NR1H2: variants seen among roughly 807,000 people sequenced by gnomAD.
NR1H2 encodes oxysterols receptor LXR-beta.
NR1H2 carries 33 observed loss-of-function variants against 51.2 expected under a neutral mutation model. That is an observed-to-expected ratio of 0.64 (90% CI 0.49 to 0.86). The LOEUF is 0.86. Among genes scored for constraint, NR1H2 ranks in the 40% least tolerant of loss-of-function variants. NR1H2 has a pLI of 0.00. For missense variants in NR1H2, 592 were observed against 639.9 expected (o/e 0.93, Z 0.81); for synonymous variants, 310 against 264.3 (o/e 1.17, Z -1.68).
rs1197229324 is a variant in NR1H2, at chr19:50,382,774, C to T, written c.*172C>T. Reference sequence around the variant, plus strand: ...AGGTCCAGGAGGCTCCCTCCCTGCCCAGCGAGTCTTCCAGAAGGGGTGAAA... The same window carrying T: ...AGGTCCAGGAGGCTCCCTCCCTGCCTAGCGAGTCTTCCAGAAGGGGTGAAA... On this transcript the variant is annotated 3_prime_UTR_variant, in exon 10 of 10. Coordinates refer to ENST00000253727, the MANE Select transcript of NR1H2 (RefSeq NM_007121.7). 6.8e-5 allele frequency: 43 copies of T among 635,676 alleles called. No individual in the cohort carries two copies. The highest frequency in any genetic ancestry group is 1.1e-4 in the Non-Finnish European group (43 of 396,976). 39.4% of individuals were successfully genotyped at this position (635,676 alleles called of 1,614,324 possible). A position where few individuals can be genotyped will look rare whatever the true frequency, so the allele number is the denominator to read the frequency against.
At chr19:50,377,344 GGGGGCGGGGCCTACAGCA>G (rs1157417607) in intron 2 of NR1H2, 1 of 455,280 alleles carries the variant, frequency 2.2e-6, no homozygotes, top group East Asian at 3.6e-5. Flanking sequence ...TTGGACCTGA[GGGGGCGGGGCCTACAGCA>G]GGGGCGGGGC....
In NR1H2 at chr19:50,378,581, C is replaced by T; in HGVS notation, c.532C>T (p.Gln178Ter). The T allele has an allele frequency of 2.5e-6, 4 of 1,612,474 alleles. No homozygotes were observed. In the South Asian group the frequency reaches 4.4e-5, roughly 18 times the overall value. Residue 178 changes from glutamine to a stop codon, truncating the protein, a stop_gained, in exon 6 of 10, where the codon CAG becomes TAG. Coordinates refer to ENST00000253727, the MANE Select transcript of NR1H2 (RefSeq NM_007121.7). LOFTEE classifies it high-confidence loss of function. ...KKIRKQQQES[Q>*]SQSQSPVGPQ... ...GATTCGGAAACAGCAGCAGGAGTCA[C>T]AGTCACAGTCGCAGTCACCTGTGGG...
At chr19:50,380,545 G>C (rs2037749144) in intron 8 of NR1H2, among the ~76,000 whole-genome samples, 1 of 152,166 alleles carries the variant, frequency 6.6e-6, no homozygotes, top group African/African-American at 2.4e-5. Context: ...GGACCTCTCT[G>C]TATTTCCCGA....
chr19:50,379,173 A>G lies in NR1H2; in HGVS notation c.919A>G (p.Thr307Ala), dbSNP rs2037723735. 1.9e-6 allele frequency: 3 copies of G among 1,611,172 alleles called. No homozygotes were observed. The highest frequency in any genetic ancestry group is 2.5e-6 in the Non-Finnish European group (3 of 1,178,534). Reference protein sequence around the residue: ...EDQIALLKASTIEIMLLETAR... With the variant: ...EDQIALLKASAIEIMLLETAR... ...CCAGATCGCCCTCCTGAAGGCATCC[A>G]CTATCGAGGTAATGGTCCATCTGCC... The change falls in exon 7 of 10, where the codon ACT becomes GCT. Residue 307 changes from threonine to alanine, a missense_variant. Physicochemically the swap from Thr to Ala is moderately conservative, Grantham distance 58. Transcript: ENST00000253727.
At chr19:50,378,862 C>T in intron 6 of NR1H2, 66 bp downstream of exon 6, 1 of 1,575,710 alleles carries the variant, frequency 6.3e-7, no homozygotes, top group Admixed American at 1.7e-5. Context: ...GGGCCATCAC[C>T]CAGGGTGTGG....
chr19:50,380,598 C>T (rs945409565), intron 8 of NR1H2, among the ~76,000 whole-genome samples: 2 of 152,140 alleles, frequency 1.3e-5, no homozygotes, highest in African/African-American at 4.8e-5. Context: ...CTTACTCCGG[C>T]CCTTTCACCA....
chr19:50,381,526 C>G (rs1601143997), intron 8 of NR1H2, among the ~76,000 whole-genome samples: 1 of 152,206 alleles, frequency 6.6e-6, no homozygotes, highest in Non-Finnish European at 1.5e-5. Context: ...GTGGCAGGTA[C>G]TCAGTGACAT....
In NR1H2 at chr19:50,378,686, G is replaced by A. The variant is rs1206405892; in HGVS notation, c.637G>A (p.Glu213Lys). ...TGAGGCAGGCAGCCAGGGCTCCGGG[G>A]AAGGCGAGGGTGTCCAGCTAACAGC... ...GSEAGSQGSG[E>K]GEGVQLTAAQ... Residue 213 changes from glutamate (E) to lysine (K), a missense_variant, in exon 6 of 10, where the codon GAA becomes AAA. Glu to Lys is a moderately conservative substitution (Grantham distance 56). Coordinates refer to ENST00000253727, the MANE Select transcript of NR1H2 (RefSeq NM_007121.7). 2 of 1,613,786 alleles carry A rather than the reference G, an allele frequency of 1.2e-6. No individual in the cohort carries two copies. Among genetic ancestry groups the A allele is most frequent in the Non-Finnish European group, 1.7e-6 (2 of 1,180,034 alleles).
intron 7 of NR1H2, 31 bp downstream of exon 7, chr19:50,379,212 A>G: frequency 1.3e-6 from 2 of 1,591,754 alleles, no homozygotes; most frequent in Non-Finnish European, 1.7e-6. Flanking sequence ...AAGGAACCCC[A>G]GAGATAGCTC....
chr19:50,378,793 C>A lies in NR1H2; in HGVS notation c.744C>A (p.Val248=), dbSNP rs773938956. 3.1e-6 allele frequency: 5 copies of A among 1,612,912 alleles called. No homozygotes were observed. The Middle Eastern group carries it at 6.6e-4, about 213-fold the overall frequency. The change falls in exon 6 of 10, where the codon GTC becomes GTA. Residue 248 remains valine, a synonymous_variant. Transcript: ENST00000253727. ...GCTCCTTCTCCGACCAGCCCAAAGT[C>A]ACGGTACTGCCCCCTCCACAACCTT... ...NKRSFSDQPK[V]TPWPLGADPQ...
Position 50,381,931 on chromosome 19 carries a change from G to T in NR1H2, c.1028-35G>T. ...TCCAGGATGTGGGGCACGGTTTCGGGCTGAGGGAGTCACGGGCTGCCTCCC... is the reference window on the plus strand; with the variant it reads ...TCCAGGATGTGGGGCACGGTTTCGGTCTGAGGGAGTCACGGGCTGCCTCCC... On this transcript the variant is annotated intron_variant, in intron 8 of 9. Transcript: ENST00000253727. 6 of 1,525,078 alleles carry T rather than the reference G, an allele frequency of 3.9e-6. No homozygotes were observed. In the South Asian group the frequency reaches 7.4e-5, roughly 19 times the overall value. The allele number at this position is 1,525,078 out of a possible 1,614,324, so 94.5% of individuals were successfully genotyped here. A position where few individuals can be genotyped will look rare whatever the true frequency, so the allele number is the denominator to read the frequency against.
At chr19:50,379,556 GTATCC>G (rs1365851643) in intron 7 of NR1H2, among the ~76,000 whole-genome samples, 1 of 152,194 alleles carries the variant, frequency 6.6e-6, no homozygotes, top group African/African-American at 2.4e-5. Flanking sequence ...TGGGGAAAGA[GTATCC>G]TAAGGAGATG....
intron 9 of NR1H2, 25 bp from the exon 10 acceptor site, chr19:50,382,431 A>G: frequency 6.4e-7 from 1 of 1,566,122 alleles, no homozygotes; most frequent in South Asian, 1.2e-5. Flanking sequence ...GGGCTCAGCC[A>G]GCGCCCACCT....
rs1396782437 is a variant in NR1H2, at chr19:50,378,639, C to T, written c.590C>T (p.Pro197Leu). The T allele has an allele frequency of 1.2e-6, 2 of 1,614,054 alleles. No homozygotes were observed. Among genetic ancestry groups the T allele is most frequent in the East Asian group, 2.2e-5 (1 of 44,890 alleles). The change falls in exon 6 of 10, where the codon CCT (proline) becomes CTT (leucine). Residue 197 changes from proline to leucine, a missense_variant. By Grantham distance (98) the Pro-to-Leu change is moderately conservative. Around this residue, in one of 3 missense-constraint regions of NR1H2, gnomAD observed 316 missense variants for 313.4 expected, o/e 1.01. Coordinates refer to ENST00000253727, the MANE Select transcript of NR1H2 (RefSeq NM_007121.7). ...GGCAGCAGCAGCTCAGCCTCTGGGC[C>T]TGGGGCTTCCCCTGGTGGATCTGAG... The part of the protein sequence containing the change: ...PQGSSSSASG[P>L]GASPGGSEAG...
chr19:50,382,608 T>A lies in NR1H2; in HGVS notation c.*6T>A. On this transcript the variant is annotated 3_prime_UTR_variant, in exon 10 of 10. Transcript: ENST00000253727. The stretch of plus-strand genomic sequence containing the variant: ...TCTGGGACGTCCACGAGTGAGGGGC[T>A]GGCCACCCAGCCCCACAGCCTTGCC... 2 of 1,555,746 alleles carry A rather than the reference T, an allele frequency of 1.3e-6. No homozygotes were observed. The highest frequency in any genetic ancestry group is 2.4e-5 in the South Asian group (2 of 84,868).
Position 50,382,172 on chromosome 19 carries a change from C to T in NR1H2, c.1234C>T (p.Gln412Ter), listed in dbSNP as rs1377576380. The T allele has an allele frequency of 7.9e-6, 12 of 1,528,000 alleles. No homozygotes were observed. The highest frequency in any genetic ancestry group is 8.8e-6 in the Non-Finnish European group (10 of 1,141,390). The allele number at this position is 1,528,000 out of a possible 1,614,324, so 94.7% of individuals were successfully genotyped here. Reference protein sequence around the residue: ...LLSYTRIKRPQDQLRFPRMLM... With the variant: ...LLSYTRIKRP ...GTCCTACACGCGCATCAAGAGGCCG[C>T]AGGTAGGGCCCCGCAGAGCCTCTGC... Residue 412 changes from glutamine (Q) to a stop codon, truncating the protein, a stop_gained and splice_region_variant, in exon 9 of 10, where the codon CAG (glutamine) becomes TAG (stop). Transcript: ENST00000253727. LOFTEE classifies it high-confidence loss of function.
At chr19:50,380,692 G>A (rs1446955026) in intron 8 of NR1H2, among the ~76,000 whole-genome samples, 2 of 152,150 alleles carry the variant, frequency 1.3e-5, no homozygotes, top group Non-Finnish European at 2.9e-5. Flanking sequence ...GGAGATTGGC[G>A]ATTGCAGAGG....
At position 50,378,225 on chromosome 19, in the gene NR1H2, T is replaced by C. The variant is rs11538794; in HGVS notation, c.258T>C (p.Leu86=). The C allele has an allele frequency of 1.2e-3, 1,935 of 1,613,620 alleles. 12 individuals carry two copies. In the African/African-American group the frequency reaches 0.014, roughly 12 times the overall value. ...GPAPKMLGHE[L]CRVCGDKASG... Reference sequence around the variant, plus strand: ...CCCCGAAGATGCTGGGCCACGAGCTTTGCCGTGTCTGTGGGGACAAGGCCT... The same window carrying C: ...CCCCGAAGATGCTGGGCCACGAGCTCTGCCGTGTCTGTGGGGACAAGGCCT... Residue 86 remains leucine (L), a synonymous_variant, in exon 5 of 10, where the codon CTT becomes CTC. Transcript: ENST00000253727.
chr19:50,377,897 G>T (rs758411594), intron 4 of NR1H2, 27 bp downstream of exon 4: 35 of 1,521,508 alleles, frequency 2.3e-5, no homozygotes, highest in Middle Eastern at 1.8e-4. Flanking sequence ...GAGTTGATGT[G>T]GGGGCTTGGG....
Sources: gnomAD v4.1 joint callset for allele counts (sites outside exome capture counted in the v4.1 genomes callset) on GRCh38, gnomAD v4.1.1 for gene constraint, gnomAD v4.1.1 regional missense constraint, MANE v1.5 for transcripts, NCBI Gene and HGNC (gene_info 2026-07-23, HGNC 2026-07-21) for gene names.